Variants in CPED1 observed in about 807,000 individuals in gnomAD.
CPED1 encodes cadherin like and PC-esterase domain containing 1.
Under a neutral mutation model 128.2 loss-of-function variants are expected in CPED1, and 114 were observed. The ratio of observed to expected loss-of-function variants is 0.89; its 90% CI spans 0.76 to 1.04. The LOEUF is 1.04. CPED1 is among the 50% of genes least tolerant of loss of function. The probability of loss-of-function intolerance (pLI) is 0.00; values close to 1 mark genes in which losing one functional copy is unlikely to be tolerated. For synonymous variants in CPED1, 462 were observed against 426.7 expected, an observed-to-expected ratio of 1.08 and a Z score of -1.02; for missense variants, 1,211 against 1,207.1, an observed-to-expected ratio of 1.00 and a Z score of -0.05.
chr7:121,187,475 G>A (rs948684751), intron 16 of CPED1, among the ~76,000 whole-genome samples: 1 of 152,152 alleles, frequency 6.6e-6, no homozygotes, highest in African/African-American at 2.4e-5. Flanking sequence ...GAAGAGGATG[G>A]ACAGGTAGAT....
chr7:121,295,779 A>G lies in CPED1; in HGVS notation c.*127A>G, dbSNP rs762013823. The G allele has an allele frequency of 1.5e-6, 1 of 675,602 alleles. No homozygotes were observed. The highest frequency in any genetic ancestry group is 1.8e-5 in the African/African-American group (1 of 55,332). 41.9% of individuals were successfully genotyped at this position (675,602 alleles called of 1,614,324 possible). ...CACACACACTTGTGCACACCAGCAC[A>G]TGCATGCACACCAGTACACACACAG... On this transcript the variant is annotated 3_prime_UTR_variant, in exon 23 of 23. Transcript: ENST00000310396.
chr7:121,276,725 A>G (rs1480176901), intron 22 of CPED1, among the ~76,000 whole-genome samples: 2 of 152,188 alleles, frequency 1.3e-5, no homozygotes, highest in African/African-American at 2.4e-5. Flanking sequence ...AGGCCATTGC[A>G]ATCCCATAGA....
At chr7:121,139,712 G>T (rs1795859301) in intron 14 of CPED1, among the ~76,000 whole-genome samples, 2 of 151,978 alleles carry the variant, frequency 1.3e-5, no homozygotes, top group South Asian at 4.1e-4. Flanking sequence ...CAACAGATTT[G>T]ATTTTAGGAA....
chr7:121,186,618 TGAA>T (rs1797011236), intron 16 of CPED1, among the ~76,000 whole-genome samples: 2 of 152,290 alleles, frequency 1.3e-5, no homozygotes, highest in South Asian at 4.1e-4. Flanking sequence ...TGCAGTTTAT[TGAA>T]GAAAGTCTTT....
At chr7:121,153,738 C>T (rs988023749) in intron 16 of CPED1, among the ~76,000 whole-genome samples, 1 of 152,118 alleles carries the variant, frequency 6.6e-6, no homozygotes, top group Non-Finnish European at 1.5e-5. Context: ...AAAGTAAGTA[C>T]AGTTGACCAT....
In CPED1 at chr7:121,136,098, GAGATT is replaced by G; in HGVS notation, c.1699+10_1699+14del. 6.5e-7 allele frequency: 1 copy of G among 1,548,260 alleles called. No homozygotes were observed. The highest frequency in any genetic ancestry group is 8.6e-7 in the Non-Finnish European group (1 of 1,156,632). Reference sequence around the variant, plus strand: ...AAATACATTGCAGTGATGGTGAGTTGAGATTAAAGTGTTGTAGCAGCATAATAAAC... The same window carrying G: ...AAATACATTGCAGTGATGGTGAGTTGAAAGTGTTGTAGCAGCATAATAAAC... On this transcript the variant is annotated intron_variant, in intron 14 of 22. Coordinates refer to ENST00000310396, the MANE Select transcript of CPED1 (RefSeq NM_024913.5).
At chr7:121,187,097 C>T (rs1024232040) in intron 16 of CPED1, among the ~76,000 whole-genome samples, 48 of 152,200 alleles carry the variant, frequency 3.2e-4, no homozygotes, top group Non-Finnish European at 7.4e-5. Flanking sequence ...TGATTTTTCT[C>T]TCCTGCTCTT....
chr7:121,050,778 G>A (rs1793329213), intron 4 of CPED1: 1 of 456,014 alleles, frequency 2.2e-6, no homozygotes, highest in Admixed American at 2.3e-5. Flanking sequence ...GTTGTCTTAA[G>A]TAGCTTTCTG....
At chr7:121,217,729 C>A (rs1206568505) in intron 16 of CPED1, among the ~76,000 whole-genome samples, 1 of 152,000 alleles carries the variant, frequency 6.6e-6, no homozygotes, top group East Asian at 1.9e-4. Context: ...AGTGCACTGG[C>A]CTCATCTGTA....
chr7:121,066,246 C>A (rs1219546347), intron 5 of CPED1, among the ~76,000 whole-genome samples: 1 of 151,986 alleles, frequency 6.6e-6, no homozygotes, highest in East Asian at 1.9e-4. Context: ...TGGAGGTTGA[C>A]AAAACACAAA....
At chr7:121,150,870 G>A (rs971052796) in intron 16 of CPED1, among the ~76,000 whole-genome samples, 2 of 152,104 alleles carry the variant, frequency 1.3e-5, no homozygotes, top group Non-Finnish European at 2.9e-5. Context: ...CTGGGGTCAA[G>A]CGATTCTCCT....
Position 121,261,717 on chromosome 7 carries a change from C to A in CPED1, c.2311-4510C>A, listed in dbSNP as rs1792023003. 3.7e-6 allele frequency: 6 copies of A among 1,602,006 alleles called. No homozygotes were observed. In the South Asian group the frequency reaches 6.7e-5, roughly 18 times the overall value. On this transcript the variant is annotated intron_variant, in intron 18 of 22. Transcript: ENST00000310396. ...CTGGGACCCTAAATGACCTCCCTGC[C>A]CCACCCCTGCACATAAACCTGACTT... is the stretch of plus-strand genomic sequence containing the variant.
At chr7:121,021,201 T>TA (rs1334840973) in intron 3 of CPED1, among the ~76,000 whole-genome samples, 1 of 151,944 alleles carries the variant, frequency 6.6e-6, no homozygotes, top group East Asian at 1.9e-4. Flanking sequence ...TATTAAAAGA[T>TA]ATAGTTAATA....
intron 3 of CPED1, among the ~76,000 whole-genome samples, chr7:121,025,427 A>G (rs1175343821): frequency 1.3e-5 from 2 of 152,274 alleles, no homozygotes; most frequent in Non-Finnish European, 2.9e-5. Flanking sequence ...GTAGAATATC[A>G]GTGTTTCTCA....
At chr7:121,139,145 C>CTATCAGCCAGATAG (rs1269550532) in intron 14 of CPED1, among the ~76,000 whole-genome samples, 3 of 151,944 alleles carry the variant, frequency 2.0e-5, no homozygotes, top group Admixed American at 1.3e-4. Flanking sequence ...CCACCTACAT[C>CTATCAGCCAGATAG]TATCAGCCAG....
chr7:121,108,342 A>G (rs1274711623), intron 7 of CPED1, among the ~76,000 whole-genome samples: 1 of 152,142 alleles, frequency 6.6e-6, no homozygotes, highest in African/African-American at 2.4e-5. Context: ...CCACACAATT[A>G]TTTGGAATGA....
At chr7:121,230,727 A>G (rs1798115837) in intron 16 of CPED1, among the ~76,000 whole-genome samples, 2 of 152,116 alleles carry the variant, frequency 1.3e-5, no homozygotes, top group Admixed American at 6.6e-5. Context: ...CCTCTGTACC[A>G]GAAAAACAGG....
chr7:121,161,198 C>G (rs546458281), intron 16 of CPED1, among the ~76,000 whole-genome samples: 14 of 152,102 alleles, frequency 9.2e-5, no homozygotes, highest in African/African-American at 3.1e-4. Flanking sequence ...GCTCAGAGCT[C>G]AAAATCTAAA....
chr7:121,028,918 T>C (rs1259716833), intron 3 of CPED1, among the ~76,000 whole-genome samples: 1 of 152,218 alleles, frequency 6.6e-6, no homozygotes, highest in Non-Finnish European at 1.5e-5. Flanking sequence ...ATACATTTTA[T>C]GCAGTTTTCT....
Sources: gnomAD v4.1 joint callset for allele counts (sites outside exome capture counted in the v4.1 genomes callset) on GRCh38, gnomAD v4.1.1 for gene constraint, MANE v1.5 for transcripts, NCBI Gene and HGNC (gene_info 2026-07-23, HGNC 2026-07-21) for gene names.